Variants in FAM174B observed in about 807,000 individuals in gnomAD.
The protein encoded by FAM174B is membrane protein FAM174B.
Under a neutral mutation model 10.9 loss-of-function variants are expected in FAM174B, and 12 were observed. That is an observed-to-expected ratio of 1.10 (90% CI 0.71 to 1.79). The LOEUF (loss-of-function observed/expected upper bound fraction) is 1.79, where lower values mean the gene tolerates loss of function less well. FAM174B is among the 40% of genes most tolerant of loss of function. The pLI is 0.00. For missense variants in FAM174B, 266 were observed against 233.3 expected (o/e 1.14, Z -0.91); for synonymous variants, 132 against 115.8 (o/e 1.14, Z -0.90).
At chr15:92,623,164 A>C (rs1200926077) in intron 2 of FAM174B, among the ~76,000 whole-genome samples, 4 of 151,838 alleles carry the variant, frequency 2.6e-5, no homozygotes, top group Non-Finnish European at 5.9e-5. Flanking sequence ...CTCAAAAAAA[A>C]AAAAGAAAAA....
In FAM174B at chr15:92,629,531, C is replaced by T. The variant is rs546806564; in HGVS notation, c.476+683G>A. ...TTCTGTTTGGGTGCCTGGTGTGTGG[C>T]ACACACGGCTGCTTGGGCCGGACCC... On this transcript the variant is annotated intron_variant, in intron 2 of 2. Coordinates refer to ENST00000327355, the MANE Select transcript of FAM174B (RefSeq NM_207446.3). 4.5e-4 allele frequency among the ~76,000 whole-genome samples: 68 copies of T among 152,324 alleles called. No homozygotes were observed. The Middle Eastern group carries it at 0.017, about 38-fold the overall frequency.
At chr15:92,622,135 G>GT (rs1220859000) in intron 2 of FAM174B, among the ~76,000 whole-genome samples, 5 of 152,312 alleles carry the variant, frequency 3.3e-5, no homozygotes, top group African/African-American at 1.2e-4. Flanking sequence ...ATTCACCTCC[G>GT]TAAGTGTCTG....
intron 1 of FAM174B, among the ~76,000 whole-genome samples, chr15:92,635,647 C>T (rs1377107551): frequency 6.8e-6 from 1 of 147,640 alleles, no homozygotes; most frequent in Non-Finnish European, 1.5e-5. Flanking sequence ...GTGGCACAAT[C>T]TTGGCTAACT....
intron 1 of FAM174B, among the ~76,000 whole-genome samples, chr15:92,634,141 G>A (rs113159829): frequency 0.026 from 3,997 of 152,300 alleles, 61 homozygotes; most frequent in Middle Eastern, 0.048. Flanking sequence ...CATCTGGAAC[G>A]GGAGAAAAGA....
rs1301267515 is a variant in FAM174B at position 92,618,828 on chromosome 15, C to CTT, written c.*626_*627dup. On this transcript the variant is annotated 3_prime_UTR_variant, in exon 3 of 3. Transcript: ENST00000327355. ...CTAGCCACGCTGATTTCTGCTGAACCTTTTTTTTTTTTAAAAAAAAAAAAA... is the reference window on the plus strand; with the variant it reads ...CTAGCCACGCTGATTTCTGCTGAACCTTTTTTTTTTTTTTAAAAAAAAAAAAA... 215 of 139,970 alleles carry CTT rather than the reference C, an allele frequency of 1.5e-3. No homozygotes were observed. The highest frequency in any genetic ancestry group is 4.0e-3 in the African/African-American group (137 of 34,086). 8.7% of individuals were successfully genotyped at this position (139,970 alleles called of 1,614,324 possible). A position where few individuals can be genotyped will look rare whatever the true frequency, so the allele number is the denominator to read the frequency against.
chr15:92,630,835 A>ACATATTACATGTTACATATTACATAT, intron 1 of FAM174B, among the ~76,000 whole-genome samples: 1 of 28,098 alleles, frequency 3.6e-5, no homozygotes, highest in African/African-American at 6.0e-5. Flanking sequence ...ATTATATATT[A>ACATATTACATGTTACATATTACATAT]TATATATTAC....
chr15:92,650,499 C>G (rs1262808861), intron 1 of FAM174B, among the ~76,000 whole-genome samples: 1 of 152,162 alleles, frequency 6.6e-6, no homozygotes, highest in Admixed American at 6.5e-5. Context: ...CCGTGGAGTT[C>G]GGAGACTCTC....
In FAM174B at chr15:92,618,580, A is replaced by T. The variant is rs1398786275; in HGVS notation, c.*876T>A. ...CGTTCATTTTTAAAATGGTTTTTAA[A>T]AATTACATTTCTAAGGCAAACAACG... On this transcript the variant is annotated 3_prime_UTR_variant, in exon 3 of 3. Coordinates refer to ENST00000327355, the MANE Select transcript of FAM174B (RefSeq NM_207446.3). The T allele has an allele frequency of 1.3e-5, 2 of 152,762 alleles. No homozygotes were observed. Among genetic ancestry groups the T allele is most frequent in the African/African-American group, 4.8e-5 (2 of 41,472 alleles). 9.5% of individuals were successfully genotyped at this position (152,762 alleles called of 1,614,324 possible). A position where few individuals can be genotyped will look rare whatever the true frequency, so the allele number is the denominator to read the frequency against.
intron 2 of FAM174B, 52 bp downstream of exon 2, chr15:92,630,162 C>T (rs2050781264): frequency 6.9e-6 from 11 of 1,600,298 alleles, no homozygotes; most frequent in South Asian, 1.1e-5. Context: ...CTCGAGGTCC[C>T]ACCAACCCAC....
intron 1 of FAM174B, among the ~76,000 whole-genome samples, chr15:92,641,105 C>A (rs2050888989): frequency 6.6e-6 from 1 of 152,022 alleles, no homozygotes; most frequent in South Asian, 2.1e-4. Context: ...GCTCCGCATT[C>A]TTAACTATGA....
At chr15:92,635,939 G>A (rs748927540) in intron 1 of FAM174B, among the ~76,000 whole-genome samples, 1 of 152,108 alleles carries the variant, frequency 6.6e-6, no homozygotes, top group Non-Finnish European at 1.5e-5. Context: ...GTCAGAAGCC[G>A]GGAAATTTAG....
At chr15:92,647,633 C>G (rs1026540163) in intron 1 of FAM174B, among the ~76,000 whole-genome samples, 1 of 152,144 alleles carries the variant, frequency 6.6e-6, no homozygotes, top group African/African-American at 2.4e-5. Context: ...AAACAAGGCT[C>G]TTTGTGGCAA....
In FAM174B at chr15:92,655,507, G is replaced by A. The variant is rs971925074; in HGVS notation, c.153C>T (p.Pro51=). Residue 51 remains proline, a synonymous_variant, in exon 1 of 3, where the codon CCC becomes CCT. Transcript: ENST00000327355. ...RESRPPPGPG[P]GNTTRFGSGA... ...CAGACCCAAACCGGGTGGTGTTCCC[G>A]GGCCCCGGGCCGGGCGGTGGCCGCG... The A allele has an allele frequency of 1.3e-6, 2 of 1,506,556 alleles. No homozygotes were observed. Among genetic ancestry groups the A allele is most frequent in the Non-Finnish European group, 8.9e-7 (1 of 1,128,422 alleles). 93.3% of individuals were successfully genotyped at this position (1,506,556 alleles called of 1,614,324 possible).
chr15:92,631,432 A>T (rs1418727084), intron 1 of FAM174B, among the ~76,000 whole-genome samples: 1 of 39,230 alleles, frequency 2.5e-5, no homozygotes, highest in African/African-American at 1.4e-4. Context: ...TATATAATAT[A>T]ATATATTATA....
intron 1 of FAM174B, among the ~76,000 whole-genome samples, chr15:92,631,584 T>C (rs1172236351): frequency 7.2e-6 from 1 of 139,618 alleles, no homozygotes; most frequent in African/African-American, 2.7e-5. Context: ...AAGCTCCGCC[T>C]CCCGGGTTCA....
chr15:92,646,490 C>A (rs1182419798), intron 1 of FAM174B, among the ~76,000 whole-genome samples: 1 of 151,984 alleles, frequency 6.6e-6, no homozygotes, highest in Non-Finnish European at 1.5e-5. Flanking sequence ...CTGAATGAAC[C>A]CCTCCTCTCA....
rs2050700981 is a variant in FAM174B at position 92,619,101 on chromosome 15, C to A, written c.*355G>T. 1 of 653,498 alleles carries A rather than the reference C, an allele frequency of 1.5e-6. No homozygotes were observed. The highest frequency in any genetic ancestry group is 2.7e-5 in the East Asian group (1 of 36,880). 40.5% of individuals were successfully genotyped at this position (653,498 alleles called of 1,614,324 possible). On this transcript the variant is annotated 3_prime_UTR_variant, in exon 3 of 3. Coordinates refer to ENST00000327355, the MANE Select transcript of FAM174B (RefSeq NM_207446.3). The stretch of plus-strand genomic sequence containing the variant: ...TTTAGATTCTTGATCCTCCTGATCT[C>A]TTTTACTATTGTCAACAATTGTCTT...
At chr15:92,652,623 CA>C (rs1320589273) in intron 1 of FAM174B, among the ~76,000 whole-genome samples, 1 of 152,108 alleles carries the variant, frequency 6.6e-6, no homozygotes, top group Non-Finnish European at 1.5e-5. Context: ...TGGAGAGGGA[CA>C]AGGTTGGAGG....
chr15:92,643,157 TG>T (rs36052361), intron 1 of FAM174B, among the ~76,000 whole-genome samples: 85,560 of 151,064 alleles, frequency 0.57, 26,351 homozygotes, highest in Non-Finnish European at 0.67. Flanking sequence ...TTAAGAGAGG[TG>T]GGGTCTGGCT....
Sources: gnomAD v4.1 joint callset for allele counts (sites outside exome capture counted in the v4.1 genomes callset) on GRCh38, gnomAD v4.1.1 for gene constraint, MANE v1.5 for transcripts, NCBI Gene and HGNC (gene_info 2026-07-23, HGNC 2026-07-21) for gene names.